The following SH3KBP1 variants were observed in gnomAD, a reference collection of about 807,000 sequenced individuals.
SH3KBP1 encodes the protein SH3 domain-containing kinase-binding protein 1.
SH3KBP1 carries 8 observed loss-of-function variants against 50.1 expected under a neutral mutation model. The observed-to-expected ratio is 0.16, with a 90% CI of 0.09 to 0.29. SH3KBP1 has a LOEUF of 0.29. Ranked by LOEUF, SH3KBP1 falls within the 10% of genes least tolerant of loss-of-function variation. The pLI is 1.00. For synonymous variants in SH3KBP1, 227 were observed against 218.6 expected, an observed-to-expected ratio of 1.04 and a Z score of -0.34; for missense variants, 377 against 535.2, an observed-to-expected ratio of 0.70 and a Z score of 2.92.
intron 1 of SH3KBP1, among the ~76,000 whole-genome samples, chrX:19,867,637 G>C (rs1215304414): frequency 9.0e-6 from 1 of 111,421 alleles, no homozygotes; most frequent in African/African-American, 3.3e-5. Context: ...GGAAGGAAGG[G>C]TCCAAGCACA....
At chrX:19,765,955 C>T (rs1324662167) in intron 2 of SH3KBP1, among the ~76,000 whole-genome samples, 2 of 111,938 alleles carry the variant, frequency 1.8e-5, no homozygotes, top group African/African-American at 6.5e-5. Flanking sequence ...CTTTTGCCTT[C>T]TGTGAATACT....
At chrX:19,627,161 T>G (rs1270102932) in intron 8 of SH3KBP1, among the ~76,000 whole-genome samples, 6 of 112,217 alleles carry the variant, frequency 5.3e-5, no homozygotes, top group African/African-American at 1.9e-4. Flanking sequence ...CCTTTCCTCC[T>G]AGGTTAGTGG....
chrX:19,773,478 C>CTG (rs1185312428), intron 2 of SH3KBP1, among the ~76,000 whole-genome samples: 1 of 98,142 alleles, frequency 1.0e-5, no homozygotes, highest in Non-Finnish European at 2.0e-5. Context: ...GTCTCTCTCT[C>CTG]TCTCTCACAC....
chrX:19,560,470 T>G, intron 13 of SH3KBP1, among the ~76,000 whole-genome samples: 1 of 111,536 alleles, frequency 9.0e-6, no homozygotes, highest in Non-Finnish European at 1.9e-5. Flanking sequence ...TTTAATATTT[T>G]TTGTAGAGAC....
At chrX:19,661,905 G>C (rs753148105) in intron 6 of SH3KBP1, among the ~76,000 whole-genome samples, 2 of 111,645 alleles carry the variant, frequency 1.8e-5, no homozygotes, top group South Asian at 7.5e-4. Context: ...GGGATTACAG[G>C]TGTGAGCCAC....
intron 13 of SH3KBP1, among the ~76,000 whole-genome samples, chrX:19,556,218 A>G (rs1383139617): frequency 9.0e-6 from 1 of 111,390 alleles, no homozygotes; most frequent in Non-Finnish European, 1.9e-5. Flanking sequence ...CTGTTTTCAT[A>G]CACCATTAAC....
chrX:19,594,802 C>T, intron 10 of SH3KBP1, 147 bp downstream of exon 10: 1 of 448,243 alleles, frequency 2.2e-6, no homozygotes, highest in Non-Finnish European at 4.0e-6. Flanking sequence ...TCTTTAAAAC[C>T]TGCCTGCTGA....
intron 5 of SH3KBP1, chrX:19,694,983 C>T (rs1170769803): frequency 8.4e-7 from 1 of 1,188,634 alleles, no homozygotes; most frequent in Non-Finnish European, 1.1e-6. Context: ...AACGAAGTTT[C>T]CCGGTCCTGA....
At chrX:19,569,871 C>T (rs1019684917) in intron 12 of SH3KBP1, among the ~76,000 whole-genome samples, 2 of 111,531 alleles carry the variant, frequency 1.8e-5, no homozygotes, top group African/African-American at 6.5e-5. Flanking sequence ...ACAGAAGGTT[C>T]CTCCAAATTA....
intron 8 of SH3KBP1, among the ~76,000 whole-genome samples, chrX:19,620,988 A>G (rs933501174): frequency 2.0e-5 from 2 of 98,583 alleles, no homozygotes; most frequent in Non-Finnish European, 4.0e-5. Context: ...TTTTGAGTTA[A>G]ATTTGTATAA....
intron 13 of SH3KBP1, among the ~76,000 whole-genome samples, chrX:19,560,911 C>CA (rs200879293): frequency 0.051 from 5,554 of 107,919 alleles, 392 homozygotes; most frequent in African/African-American, 0.18. Flanking sequence ...TGCATTTTTA[C>CA]AAAAAATAAA....
At chrX:19,701,100 C>T (rs1226033405) in intron 4 of SH3KBP1, among the ~76,000 whole-genome samples, 1 of 112,153 alleles carries the variant, frequency 8.9e-6, no homozygotes, top group Non-Finnish European at 1.9e-5. Context: ...GTAGAGCTTT[C>T]GGAAACTTCC....
intron 3 of SH3KBP1, among the ~76,000 whole-genome samples, chrX:19,713,678 C>T (rs2063832888): frequency 9.0e-6 from 1 of 111,522 alleles, no homozygotes; most frequent in East Asian, 2.8e-4. Flanking sequence ...GAGTGTCCAT[C>T]ACCTTGAGCA....
chrX:19,883,731 G>A (rs965576325), intron 1 of SH3KBP1, among the ~76,000 whole-genome samples: 4 of 111,490 alleles, frequency 3.6e-5, no homozygotes, highest in East Asian at 2.8e-4. Flanking sequence ...GTCTGAACAC[G>A]GACAAAACAT....
intron 2 of SH3KBP1, among the ~76,000 whole-genome samples, chrX:19,785,379 T>G (rs1434118871): frequency 9.5e-6 from 1 of 104,836 alleles, no homozygotes; most frequent in Non-Finnish European, 1.9e-5. Flanking sequence ...AAAAAAAAAA[T>G]TAGCTAGGCG....
chrX:19,777,997 G>C (rs1180801197), intron 2 of SH3KBP1, among the ~76,000 whole-genome samples: 1 of 111,215 alleles, frequency 9.0e-6, no homozygotes. Context: ...CAGCTGGCTG[G>C]ATCCCACCCC....
chrX:19,693,255 A>G (rs2063340808), intron 5 of SH3KBP1, among the ~76,000 whole-genome samples: 1 of 111,517 alleles, frequency 9.0e-6, no homozygotes. Context: ...TTGTCTCTGT[A>G]TATCGTCAGT....
intron 17 of SH3KBP1, 115 bp downstream of exon 17, chrX:19,537,602 A>G (rs2147494109): frequency 1.7e-6 from 1 of 603,982 alleles, no homozygotes; most frequent in Non-Finnish European, 2.8e-6. Flanking sequence ...GTCACAGGAA[A>G]TGTATCCAGA....
chrX:19,702,562 T>C lies in SH3KBP1; in HGVS notation c.390+4319A>G, dbSNP rs1365816838. Among the ~76,000 whole-genome samples the C allele has an allele frequency of 1.2e-4, 13 of 110,420 alleles. No individual in the cohort carries two copies. The Admixed American group carries it at 1.3e-3, about 11-fold the overall frequency. On this transcript the variant is annotated intron_variant, in intron 4 of 17. Transcript: ENST00000397821. Reference sequence around the variant, plus strand: ...ATCCCTTGGGCCACGACTGAGAGACTGGCTAAGACCAAGCTAATCCAACAC... The same window carrying C: ...ATCCCTTGGGCCACGACTGAGAGACCGGCTAAGACCAAGCTAATCCAACAC...
Sources: allele counts gnomAD v4.1 joint callset (sites outside exome capture counted in the v4.1 genomes callset), GRCh38; gene constraint gnomAD v4.1.1; transcripts MANE v1.5; gene names NCBI Gene and HGNC (gene_info 2026-07-23, HGNC 2026-07-21).